LDB2: variants seen among roughly 807,000 people sequenced by gnomAD.
The protein encoded by LDB2 is LIM domain binding 2.
Under a neutral mutation model 44.3 loss-of-function variants are expected in LDB2, and 12 were observed. The ratio of observed to expected loss-of-function variants is 0.27; its 90% CI spans 0.17 to 0.44. The LOEUF (loss-of-function observed/expected upper bound fraction) is 0.44, where lower values mean the gene tolerates loss of function less well. Among genes scored for constraint, LDB2 ranks in the 20% least tolerant of loss-of-function variants. The pLI is 1.00. For synonymous variants in LDB2, 164 were observed against 174.8 expected (o/e 0.94, Z 0.49); for missense variants, 344 against 473.5 (o/e 0.73, Z 2.54).
intron 1 of LDB2, among the ~76,000 whole-genome samples, chr4:16,872,983 A>G (rs926520159): frequency 3.9e-5 from 6 of 152,200 alleles, no homozygotes; most frequent in African/African-American, 2.4e-5. Context: ...CAGCCCAGTG[A>G]CAGGGGAAAG....
chr4:16,542,848 A>C (rs1407483975), intron 5 of LDB2, among the ~76,000 whole-genome samples: 2 of 152,058 alleles, frequency 1.3e-5, no homozygotes, highest in African/African-American at 2.4e-5. Flanking sequence ...ATACGTATAC[A>C]TGTGCCATGT....
At position 16,811,976 on chromosome 4, in the gene LDB2, A is replaced by G. The variant is rs76701109; in HGVS notation, c.133-52716T>C. Among the ~76,000 whole-genome samples the G allele has an allele frequency of 1.7e-3, 257 of 152,298 alleles. 2 individuals carry two copies. The highest frequency in any genetic ancestry group is 6.0e-3 in the African/African-American group (250 of 41,556). Reference sequence around the variant, plus strand: ...CCATTATTTGTCTTCTAAGCCTTCAATCCTGCCCCATCAAATCTTTATCTC... The same window carrying G: ...CCATTATTTGTCTTCTAAGCCTTCAGTCCTGCCCCATCAAATCTTTATCTC... On this transcript the variant is annotated intron_variant, in intron 1 of 7. Transcript: ENST00000304523.
chr4:16,554,030 G>A (rs960376341), intron 5 of LDB2, among the ~76,000 whole-genome samples: 5 of 151,020 alleles, frequency 3.3e-5, no homozygotes, highest in South Asian at 2.1e-4. Context: ...CCCATTGGAC[G>A]TATTCATTCA....
chr4:16,590,941 G>A (rs1401227099), intron 3 of LDB2, among the ~76,000 whole-genome samples: 1 of 152,144 alleles, frequency 6.6e-6, no homozygotes, highest in Non-Finnish European at 1.5e-5. Flanking sequence ...GAGTTGCATG[G>A]AGATTAAGCC....
chr4:16,849,587 C>T (rs145413521), intron 1 of LDB2, among the ~76,000 whole-genome samples: 81 of 152,348 alleles, frequency 5.3e-4, no homozygotes, highest in African/African-American at 1.9e-3. Flanking sequence ...CTGCCTCCTT[C>T]AAATCCCTCT....
chr4:16,550,560 A>C (rs1737310183), intron 5 of LDB2, among the ~76,000 whole-genome samples: 1 of 152,256 alleles, frequency 6.6e-6, no homozygotes, highest in Non-Finnish European at 1.5e-5. Flanking sequence ...GAAGAAAAAG[A>C]GTAAAGAAGG....
chr4:16,535,577 A>T (rs536623573), intron 5 of LDB2, among the ~76,000 whole-genome samples: 1 of 152,338 alleles, frequency 6.6e-6, no homozygotes, highest in Admixed American at 6.5e-5. Context: ...ACACCAAGGA[A>T]GAATACTCAA....
intron 1 of LDB2, among the ~76,000 whole-genome samples, chr4:16,776,237 C>A (rs1771873535): frequency 6.6e-6 from 1 of 152,194 alleles, no homozygotes; most frequent in Non-Finnish European, 1.5e-5. Context: ...GTTTCCCCAT[C>A]TGTCAAATAT....
At chr4:16,668,090 A>G (rs1247886289) in intron 2 of LDB2, among the ~76,000 whole-genome samples, 2 of 152,238 alleles carry the variant, frequency 1.3e-5, no homozygotes, top group Non-Finnish European at 2.9e-5. Context: ...TAGAATAGAA[A>G]GTTAAAATGC....
chr4:16,708,661 G>T (rs977415620), intron 2 of LDB2, among the ~76,000 whole-genome samples: 1 of 152,154 alleles, frequency 6.6e-6, no homozygotes, highest in African/African-American at 2.4e-5. Flanking sequence ...AGGTAGACAT[G>T]ATTCCTTCAT....
At chr4:16,818,049 G>A (rs957918071) in intron 1 of LDB2, among the ~76,000 whole-genome samples, 6 of 152,160 alleles carry the variant, frequency 3.9e-5, no homozygotes, top group African/African-American at 1.4e-4. Context: ...TTTAAACTAG[G>A]TGACGCTCAG....
intron 1 of LDB2, among the ~76,000 whole-genome samples, chr4:16,836,332 C>T (rs774150354): frequency 4.6e-5 from 7 of 152,110 alleles, no homozygotes; most frequent in Non-Finnish European, 8.8e-5. Context: ...GGAGGATAAA[C>T]ATGGATAATG....
At chr4:16,792,830 A>G (rs1008269117) in intron 1 of LDB2, among the ~76,000 whole-genome samples, 1 of 152,248 alleles carries the variant, frequency 6.6e-6, no homozygotes, top group Non-Finnish European at 1.5e-5. Context: ...AAGGAACATC[A>G]TGATACATTT....
intron 1 of LDB2, among the ~76,000 whole-genome samples, chr4:16,879,706 C>T (rs1047641786): frequency 6.6e-6 from 1 of 152,194 alleles, no homozygotes; most frequent in Non-Finnish European, 1.5e-5. Context: ...TGGGACTTCT[C>T]AGCTTCCATA....
chr4:16,558,731 G>C lies in LDB2; in HGVS notation c.615+27191C>G, dbSNP rs549350419. 1.3e-3 allele frequency among the ~76,000 whole-genome samples: 196 copies of C among 152,160 alleles called. 3 individuals are homozygous for C. The highest frequency in any genetic ancestry group is 6.0e-3 in the East Asian group (31 of 5,174). On this transcript the variant is annotated intron_variant, in intron 5 of 7. Coordinates refer to ENST00000304523, the MANE Select transcript of LDB2 (RefSeq NM_001290.5). Reference sequence around the variant, plus strand: ...AGAACGCCACAAAGATACTCCTCGAGAAGAGCAACTCCAAGACACATAATT... The same window carrying C: ...AGAACGCCACAAAGATACTCCTCGACAAGAGCAACTCCAAGACACATAATT...
intron 1 of LDB2, chr4:16,826,625 T>C (rs1783105852): frequency 6.6e-6 from 1 of 152,206 alleles, no homozygotes; most frequent in Admixed American, 6.5e-5. Flanking sequence ...TTTTATAAGA[T>C]AGACAGAGTT....
At chr4:16,564,124 A>G (rs1743598969) in intron 5 of LDB2, among the ~76,000 whole-genome samples, 1 of 152,230 alleles carries the variant, frequency 6.6e-6, no homozygotes. Context: ...GATACTCAAA[A>G]GACTCACAGC....
intron 2 of LDB2, among the ~76,000 whole-genome samples, chr4:16,740,546 T>G (rs1353643887): frequency 6.6e-6 from 1 of 152,232 alleles, no homozygotes; most frequent in Non-Finnish European, 1.5e-5. Context: ...GCATGGCAGG[T>G]ACTACCTCAT....
intron 1 of LDB2, among the ~76,000 whole-genome samples, chr4:16,892,706 A>G (rs1405750605): frequency 6.6e-6 from 1 of 152,210 alleles, no homozygotes; most frequent in Non-Finnish European, 1.5e-5. Context: ...TGTGTTCCTC[A>G]TGAAAAATGA....
Sources: allele counts gnomAD v4.1 joint callset (sites outside exome capture counted in the v4.1 genomes callset), GRCh38; gene constraint gnomAD v4.1.1; transcripts MANE v1.5; gene names NCBI Gene and HGNC (gene_info 2026-07-23, HGNC 2026-07-21).